Variants in GOSR1 observed in about 807,000 individuals in gnomAD.
GOSR1 encodes golgi SNAP receptor complex member 1, also known as 28 kDa Golgi SNARE protein.
GOSR1 carries 21 observed loss-of-function variants against 35.5 expected under a neutral mutation model. The ratio of observed to expected loss-of-function variants is 0.59; its 90% CI spans 0.42 to 0.85. The LOEUF (loss-of-function observed/expected upper bound fraction) is 0.85. Among genes scored for constraint, GOSR1 ranks in the 40% least tolerant of loss-of-function variants. The probability of loss-of-function intolerance (pLI) is 0.00; values close to 1 mark genes in which losing one functional copy is unlikely to be tolerated. For synonymous variants in GOSR1, 94 were observed against 106.6 expected (o/e 0.88, Z 0.73); for missense variants, 285 against 309.6 (o/e 0.92, Z 0.60).
intron 1 of GOSR1, chr17:30,480,235 A>T (rs1407463133): frequency 6.6e-6 from 1 of 151,792 alleles, no homozygotes; most frequent in African/African-American, 2.4e-5. Flanking sequence ...GCTTGAACCC[A>T]GGAGGTGGAG....
intron 5 of GOSR1, among the ~76,000 whole-genome samples, chr17:30,492,344 T>C (rs139870403): frequency 2.2e-4 from 33 of 152,332 alleles, no homozygotes; most frequent in South Asian, 1.4e-3. Context: ...AAATCAGTCC[T>C]AAGTTTTACT....
chr17:30,517,390 A>G (rs549640838), intron 7 of GOSR1, among the ~76,000 whole-genome samples: 2 of 152,318 alleles, frequency 1.3e-5, no homozygotes, highest in South Asian at 4.1e-4. Context: ...CTGTCATACA[A>G]ACATCCCCAA....
chr17:30,513,187 T>C (rs1967673368), intron 7 of GOSR1, among the ~76,000 whole-genome samples: 1 of 152,222 alleles, frequency 6.6e-6, no homozygotes, highest in South Asian at 2.1e-4. Flanking sequence ...GAATATAGAC[T>C]TTGACATCAA....
chr17:30,521,167 C>CTCT (rs1555617868), intron 8 of GOSR1, among the ~76,000 whole-genome samples: 17 of 64,230 alleles, frequency 2.6e-4, no homozygotes, highest in South Asian at 6.5e-4. Flanking sequence ...TTCTCTCTCT[C>CTCT]TTTTTTTTTT....
At chr17:30,501,231 A>G (rs908525170) in intron 6 of GOSR1, among the ~76,000 whole-genome samples, 2 of 152,194 alleles carry the variant, frequency 1.3e-5, no homozygotes, top group Non-Finnish European at 1.5e-5. Context: ...AGATCTGAAC[A>G]GCCATCTTAA....
intron 6 of GOSR1, among the ~76,000 whole-genome samples, chr17:30,494,293 A>G (rs552571171): frequency 1.3e-5 from 2 of 152,208 alleles, no homozygotes; most frequent in African/African-American, 4.8e-5. Flanking sequence ...GGTTTTAGCA[A>G]TTTATGTTAT....
intron 5 of GOSR1, 84 bp from the exon 6 acceptor site, chr17:30,492,595 T>C: frequency 1.3e-6 from 1 of 756,884 alleles, no homozygotes. Flanking sequence ...GCTCAATTTT[T>C]CTACTTTCAA....
At chr17:30,514,765 C>T (rs1339881491) in intron 7 of GOSR1, among the ~76,000 whole-genome samples, 1 of 152,216 alleles carries the variant, frequency 6.6e-6, no homozygotes, top group Middle Eastern at 3.4e-3. Context: ...TGAATTGATC[C>T]TTTCTTACCT....
chr17:30,483,547 C>T (rs1914485134), intron 2 of GOSR1, among the ~76,000 whole-genome samples: 1 of 152,136 alleles, frequency 6.6e-6, no homozygotes, highest in South Asian at 2.1e-4. Context: ...TTTTCATTTG[C>T]CACACCCAGG....
At chr17:30,490,417 A>C in intron 5 of GOSR1, 200 bp downstream of exon 5, 1 of 425,222 alleles carries the variant, frequency 2.4e-6, no homozygotes, top group Non-Finnish European at 4.3e-6. Context: ...GCTTCCTCTT[A>C]CTTTATCATT....
intron 7 of GOSR1, among the ~76,000 whole-genome samples, chr17:30,517,614 CTGT>C (rs1230936070): frequency 2.0e-5 from 3 of 149,514 alleles, no homozygotes; most frequent in Admixed American, 6.6e-5. Context: ...GGTCTTTTTG[CTGT>C]TGTTGTTCAT....
intron 6 of GOSR1, among the ~76,000 whole-genome samples, chr17:30,501,280 A>G (rs1433299171): frequency 6.6e-6 from 1 of 152,202 alleles, no homozygotes; most frequent in Non-Finnish European, 1.5e-5. Flanking sequence ...AGCATGTGAA[A>G]AGATACTTAA....
chr17:30,482,359 A>G (rs2143607854), intron 2 of GOSR1, among the ~76,000 whole-genome samples: 1 of 152,268 alleles, frequency 6.6e-6, no homozygotes, highest in East Asian at 1.9e-4. Flanking sequence ...AATTTTTGCT[A>G]ATTAATAATA....
chr17:30,485,645 T>C (rs1382294664), intron 4 of GOSR1, among the ~76,000 whole-genome samples: 1 of 152,240 alleles, frequency 6.6e-6, no homozygotes, highest in Non-Finnish European at 1.5e-5. Flanking sequence ...ATTATAGGCA[T>C]GAGCCGCTGT....
intron 4 of GOSR1, 49 bp from the exon 5 acceptor site, chr17:30,490,077 G>A: frequency 1.2e-6 from 1 of 865,422 alleles, no homozygotes; most frequent in Non-Finnish European, 2.0e-6. Flanking sequence ...TCAGTGAGAT[G>A]AAAATCCATA....
In GOSR1 at chr17:30,483,329, C is replaced by T. The variant is rs540415437; in HGVS notation, c.147-885C>T. Among the ~76,000 whole-genome samples, 17 of 152,128 alleles carry T rather than the reference C, an allele frequency of 1.1e-4. No individual in the cohort carries two copies. In the East Asian group the frequency reaches 3.3e-3, roughly 29 times the overall value. Reference sequence around the variant, plus strand: ...AATAACCAGTAGTAGAGATTGCTCTCGTGTTCATTCATTTATTCAGCAGAA... The same window carrying T: ...AATAACCAGTAGTAGAGATTGCTCTTGTGTTCATTCATTTATTCAGCAGAA... On this transcript the variant is annotated intron_variant, in intron 2 of 8. Coordinates refer to ENST00000451249, the MANE Select transcript of GOSR1 (RefSeq NM_001007025.2).
chr17:30,521,775 A>G (rs1968046888), intron 8 of GOSR1, among the ~76,000 whole-genome samples: 1 of 152,126 alleles, frequency 6.6e-6, no homozygotes, highest in African/African-American at 2.4e-5. Flanking sequence ...AAGATCAGGT[A>G]TTTCTTCAAA....
chr17:30,497,084 A>G (rs1189390029), intron 6 of GOSR1, among the ~76,000 whole-genome samples: 2 of 152,196 alleles, frequency 1.3e-5, no homozygotes, highest in African/African-American at 2.4e-5. Context: ...AATCATATGT[A>G]TGATAAGAAC....
intron 6 of GOSR1, chr17:30,495,618 C>T (rs1966966362): frequency 3.1e-6 from 1 of 325,754 alleles, no homozygotes; most frequent in Non-Finnish European, 6.1e-6. Context: ...ATCTCACTGT[C>T]AGCCAACACA....
Sources: allele counts gnomAD v4.1 joint callset (sites outside exome capture counted in the v4.1 genomes callset), GRCh38; gene constraint gnomAD v4.1.1; transcripts MANE v1.5; gene names NCBI Gene and HGNC (gene_info 2026-07-23, HGNC 2026-07-21).